Variants in GRIK1 observed in about 807,000 individuals in gnomAD.
The protein encoded by GRIK1 is glutamate ionotropic receptor kainate type subunit 1, also known as glutamate receptor ionotropic, kainate 1.
In GRIK1, 69 loss-of-function variants were observed where a neutral mutation model predicts 105.7. The observed-to-expected ratio is 0.65, with a 90% confidence interval of 0.54 to 0.80. The LOEUF (loss-of-function observed/expected upper bound fraction) is 0.80, where lower values mean the gene tolerates loss of function less well. GRIK1 is among the 30% of genes least tolerant of loss of function. The probability of loss-of-function intolerance (pLI) is 0.00; values close to 1 mark genes in which losing one functional copy is unlikely to be tolerated. For missense variants in GRIK1, 1,109 were observed against 1,167.3 expected, an observed-to-expected ratio of 0.95 and a Z score of 0.73; for synonymous variants, 438 against 431.3, an observed-to-expected ratio of 1.02 and a Z score of -0.19.
intron 1 of GRIK1, among the ~76,000 whole-genome samples, chr21:29,809,547 T>C (rs1460888014): frequency 1.3e-5 from 2 of 152,206 alleles, no homozygotes; most frequent in Admixed American, 1.3e-4. Flanking sequence ...TGCGGCTGGT[T>C]TGAGCTTCTA....
At chr21:29,645,556 C>A (rs981196847) in intron 6 of GRIK1, among the ~76,000 whole-genome samples, 2 of 152,010 alleles carry the variant, frequency 1.3e-5, no homozygotes, top group Admixed American at 1.3e-4. Context: ...GCCCTTCAAC[C>A]CAAAGAAGAA....
intron 7 of GRIK1, among the ~76,000 whole-genome samples, chr21:29,615,787 C>A (rs944690342): frequency 6.6e-6 from 1 of 152,184 alleles, no homozygotes; most frequent in African/African-American, 2.4e-5. Flanking sequence ...AATTTTCCAA[C>A]GTCAAAGGCT....
intron 11 of GRIK1, among the ~76,000 whole-genome samples, chr21:29,588,595 C>A (rs2061282267): frequency 6.6e-6 from 1 of 152,132 alleles, no homozygotes; most frequent in African/African-American, 2.4e-5. Context: ...TATAAATTTC[C>A]CAGTCTCAGG....
intron 1 of GRIK1, among the ~76,000 whole-genome samples, chr21:29,884,113 T>C (rs1184480800): frequency 6.6e-6 from 1 of 151,980 alleles, no homozygotes; most frequent in Non-Finnish European, 1.5e-5. Flanking sequence ...TTCTTTGTAG[T>C]ATGGTTCTGT....
At chr21:29,828,011 C>CTGTGTG (rs138594747) in intron 1 of GRIK1, among the ~76,000 whole-genome samples, 34 of 76,506 alleles carry the variant, frequency 4.4e-4, no homozygotes, top group African/African-American at 1.0e-3. Flanking sequence ...CTGTCTCTCT[C>CTGTGTG]TGTGTGTGTG....
chr21:29,820,055 A>T (rs2067257179), intron 1 of GRIK1, among the ~76,000 whole-genome samples: 1 of 152,128 alleles, frequency 6.6e-6, no homozygotes, highest in South Asian at 2.1e-4. Context: ...TTGAAAAAAA[A>T]AAATTAACAG....
chr21:29,654,844 A>G lies in GRIK1; in HGVS notation c.746T>C (p.Met249Thr). ...ILKQILFMGM[M>T]TEYYHYFFTT... ...GAAAAAGTAGTGATAGTACTCGGTC[A>G]TCATGCCCATGAACAGAATCTGCAA... The change falls in exon 5 of 18, where the codon ATG becomes ACG. Residue 249 changes from methionine to threonine, a missense_variant. Around this residue, in one of 5 missense-constraint regions of GRIK1, gnomAD observed 612 missense variants for 586.0 expected, o/e 1.04. Coordinates refer to ENST00000327783, the MANE Select transcript of GRIK1 (RefSeq NM_001330994.2). The G allele has an allele frequency of 3.2e-6, 5 of 1,586,696 alleles. No homozygotes were observed. Among genetic ancestry groups the G allele is most frequent in the Non-Finnish European group, 4.3e-6 (5 of 1,154,884 alleles).
At position 29,601,031 on chromosome 21, in the gene GRIK1, C is replaced by G. The variant is rs145380470; in HGVS notation, c.1099-2094G>C. On this transcript the variant is annotated intron_variant, in intron 7 of 17. Coordinates refer to ENST00000327783, the MANE Select transcript of GRIK1 (RefSeq NM_001330994.2). The stretch of plus-strand genomic sequence containing the variant: ...TGTGTGTCAACTTGCCTAGGCCACA[C>G]GATGCCCAAATATCTAGTCAAACAT... Among the ~76,000 whole-genome samples, 456 of 152,298 alleles carry G rather than the reference C, an allele frequency of 3.0e-3. 5 individuals are homozygous for G. Among genetic ancestry groups the G allele is most frequent in the African/African-American group, 0.01 (436 of 41,562 alleles).
intron 1 of GRIK1, among the ~76,000 whole-genome samples, chr21:29,830,162 T>A (rs1305919098): frequency 6.6e-6 from 1 of 152,190 alleles, no homozygotes; most frequent in East Asian, 1.9e-4. Flanking sequence ...TGGAAATGTA[T>A]GAATCAAGAA....
Position 29,865,785 on chromosome 21 carries a change from C to T in GRIK1, c.118+73598G>A, listed in dbSNP as rs79892456. Among the ~76,000 whole-genome samples, 126 of 152,274 alleles carry T rather than the reference C, an allele frequency of 8.3e-4. 1 individual carries two copies. Among genetic ancestry groups the T allele is most frequent in the African/African-American group, 3.0e-3 (124 of 41,558 alleles). Reference sequence around the variant, plus strand: ...GAAATATTTTTCAAAATAAAATATGCGTATATTCTTTGACCAAGTCATTCC... The same window carrying T: ...GAAATATTTTTCAAAATAAAATATGTGTATATTCTTTGACCAAGTCATTCC... On this transcript the variant is annotated intron_variant, in intron 1 of 17. Transcript: ENST00000327783.
intron 7 of GRIK1, among the ~76,000 whole-genome samples, chr21:29,622,046 A>C (rs1428824027): frequency 6.6e-6 from 1 of 151,952 alleles, no homozygotes; most frequent in African/African-American, 2.4e-5. Flanking sequence ...TCCCAGGTTC[A>C]AGTGATTCTC....
At chr21:29,914,123 A>G (rs1236868396) in intron 1 of GRIK1, among the ~76,000 whole-genome samples, 1 of 151,952 alleles carries the variant, frequency 6.6e-6, no homozygotes, top group African/African-American at 2.4e-5. Context: ...TTAACAGCAT[A>G]CCTGGCCTCT....
intron 1 of GRIK1, among the ~76,000 whole-genome samples, chr21:29,876,269 G>C (rs1415833926): frequency 2.6e-5 from 4 of 152,152 alleles, no homozygotes; most frequent in East Asian, 1.9e-4. Flanking sequence ...TTTCATAACA[G>C]CTTATTGAAA....
chr21:29,883,032 T>A (rs2069480979), intron 1 of GRIK1, among the ~76,000 whole-genome samples: 1 of 152,090 alleles, frequency 6.6e-6, no homozygotes, highest in South Asian at 2.1e-4. Context: ...GGCTTTAACA[T>A]AGTTCTGTGT....
At chr21:29,630,830 C>T (rs561103749) in intron 7 of GRIK1, 1 of 350,294 alleles carries the variant, frequency 2.9e-6, no homozygotes, top group African/African-American at 2.2e-5. Flanking sequence ...CTCTTGTTCT[C>T]TCTCTGTCAC....
At chr21:29,890,303 A>G (rs1295356923) in intron 1 of GRIK1, among the ~76,000 whole-genome samples, 1 of 152,198 alleles carries the variant, frequency 6.6e-6, no homozygotes, top group Non-Finnish European at 1.5e-5. Flanking sequence ...CAGAAAATCA[A>G]TATGTAAAAT....
intron 1 of GRIK1, among the ~76,000 whole-genome samples, chr21:29,753,893 A>G (rs1408718852): frequency 6.6e-6 from 1 of 152,240 alleles, no homozygotes; most frequent in African/African-American, 2.4e-5. Flanking sequence ...TATGTAGATC[A>G]TATGTACGTT....
chr21:29,698,087 A>G (rs2063745142), intron 1 of GRIK1, among the ~76,000 whole-genome samples: 1 of 130,596 alleles, frequency 7.7e-6, no homozygotes, highest in Non-Finnish European at 1.6e-5. Context: ...CTCCCTTTTT[A>G]CTTCTTTTGT....
chr21:29,919,025 T>A lies in GRIK1; in HGVS notation c.118+20358A>T, dbSNP rs1369255343. The stretch of plus-strand genomic sequence containing the variant: ...CTCTAAGCTACCAGCAATGTATCAA[T>A]CCTAGGGGTAAAGGGTCAAGAAGAA... On this transcript the variant is annotated intron_variant, in intron 1 of 17. Transcript: ENST00000327783. Among the ~76,000 whole-genome samples the A allele has an allele frequency of 3.9e-4, 59 of 151,734 alleles. 2 individuals are homozygous for A. Among genetic ancestry groups the A allele is most frequent in the Admixed American group, 3.9e-3 (59 of 15,174 alleles).
Sources: allele counts gnomAD v4.1 joint callset (sites outside exome capture counted in the v4.1 genomes callset), GRCh38; gene constraint gnomAD v4.1.1; regional missense constraint gnomAD v4.1.1; transcripts MANE v1.5; gene names NCBI Gene and HGNC (gene_info 2026-07-23, HGNC 2026-07-21).